CNTNAP2: variants seen among roughly 807,000 people sequenced by gnomAD.
CNTNAP2 encodes contactin-associated protein-like 2.
A neutral mutation model predicts 155.2 loss-of-function variants in CNTNAP2; 98 were observed. The observed-to-expected ratio is 0.63, with a 90% confidence interval of 0.54 to 0.75. The LOEUF is 0.75. CNTNAP2 is among the 30% of genes least tolerant of loss of function. The pLI is 0.00. For missense variants in CNTNAP2, 1,727 were observed against 1,688.1 expected (o/e 1.02, Z -0.40); for synonymous variants, 651 against 631.2 (o/e 1.03, Z -0.47).
chr7:147,238,311 G>A (rs571709070), intron 8 of CNTNAP2, among the ~76,000 whole-genome samples: 10 of 152,124 alleles, frequency 6.6e-5, no homozygotes, highest in South Asian at 4.1e-4. Context: ...CACCGTGCCC[G>A]GCCTCAAATT....
intron 8 of CNTNAP2, among the ~76,000 whole-genome samples, chr7:147,141,435 C>A (rs1584751647): frequency 6.6e-6 from 1 of 152,044 alleles, no homozygotes; most frequent in Admixed American, 6.5e-5. Context: ...GGATTGAGTT[C>A]TTTCTCTGTT....
At chr7:146,705,500 T>G (rs888906986) in intron 1 of CNTNAP2, among the ~76,000 whole-genome samples, 6 of 152,068 alleles carry the variant, frequency 3.9e-5, no homozygotes, top group African/African-American at 1.4e-4. Flanking sequence ...CCCCGCAAAA[T>G]GCTCCACCTC....
At chr7:146,520,421 T>C (rs1363959149) in intron 1 of CNTNAP2, among the ~76,000 whole-genome samples, 2 of 150,546 alleles carry the variant, frequency 1.3e-5, no homozygotes, top group East Asian at 2.0e-4. Flanking sequence ...TGGGGAAAGA[T>C]AGTAATAGTA....
In CNTNAP2 at chr7:147,492,358, C is replaced by A. The variant is rs144262578; in HGVS notation, c.1777+6317C>A. ...GGCCCAGTTACTAACGGGTTGGGGA[C>A]CCCTTACATCATAGAGTGTGGTCAA... On this transcript the variant is annotated intron_variant, in intron 11 of 23. Coordinates refer to ENST00000361727, the MANE Select transcript of CNTNAP2 (RefSeq NM_014141.6). Among the ~76,000 whole-genome samples the A allele has an allele frequency of 4.7e-3, 723 of 152,236 alleles. 3 individuals carry two copies. Among genetic ancestry groups the A allele is most frequent in the African/African-American group, 0.017 (688 of 41,526 alleles).
At position 147,929,402 on chromosome 7, in the gene CNTNAP2, G is replaced by A. The variant is rs535788909; in HGVS notation, c.2255+25681G>A. Among the ~76,000 whole-genome samples, 16 of 152,246 alleles carry A rather than the reference G, an allele frequency of 1.1e-4. No individual in the cohort carries two copies. The East Asian group carries it at 1.7e-3, about 17-fold the overall frequency. ...CACAGCTGTGTAGATACCATCTAACGCTGCCTCTTTTTCAGAAAAGAATAT... is the reference window on the plus strand; with the variant it reads ...CACAGCTGTGTAGATACCATCTAACACTGCCTCTTTTTCAGAAAAGAATAT... On this transcript the variant is annotated intron_variant, in intron 14 of 23. Transcript: ENST00000361727.
intron 13 of CNTNAP2, among the ~76,000 whole-genome samples, chr7:147,651,277 G>A (rs1426854165): frequency 3.9e-5 from 6 of 152,190 alleles, no homozygotes; most frequent in Admixed American, 3.9e-4. Flanking sequence ...TCTTCTTCAA[G>A]GAAGTCTCAG....
At chr7:146,304,445 G>A (rs1800670839) in intron 1 of CNTNAP2, among the ~76,000 whole-genome samples, 1 of 152,030 alleles carries the variant, frequency 6.6e-6, no homozygotes, top group Non-Finnish European at 1.5e-5. Flanking sequence ...TCCTTCAGGA[G>A]CTCTTGTAAG....
chr7:147,041,397 G>A (rs1799257010), intron 3 of CNTNAP2, among the ~76,000 whole-genome samples: 1 of 152,076 alleles, frequency 6.6e-6, no homozygotes, highest in South Asian at 2.1e-4. Context: ...GTCCTAGAGA[G>A]GCTACCCATA....
chr7:147,616,689 C>CT (rs1010647415), intron 12 of CNTNAP2, among the ~76,000 whole-genome samples: 4 of 152,048 alleles, frequency 2.6e-5, no homozygotes, highest in African/African-American at 7.2e-5. Flanking sequence ...ACTTACCAAG[C>CT]TTTTTTTCAC....
At chr7:146,200,890 C>T (rs1250402970) in intron 1 of CNTNAP2, among the ~76,000 whole-genome samples, 1 of 152,096 alleles carries the variant, frequency 6.6e-6, no homozygotes, top group Non-Finnish European at 1.5e-5. Flanking sequence ...GGCCTCTGAA[C>T]AGAACCAAAA....
chr7:147,194,471 G>A (rs758815103), intron 8 of CNTNAP2, among the ~76,000 whole-genome samples: 20 of 152,080 alleles, frequency 1.3e-4, no homozygotes, highest in Non-Finnish European at 2.5e-4. Flanking sequence ...TGGATCAAAT[G>A]GTATTTCTGG....
At chr7:147,610,066 T>C (rs1356129557) in intron 12 of CNTNAP2, among the ~76,000 whole-genome samples, 1 of 152,168 alleles carries the variant, frequency 6.6e-6, no homozygotes, top group Non-Finnish European at 1.5e-5. Context: ...TAGTCATTAT[T>C]TAAATTTACT....
chr7:148,042,730 CT>C (rs1563178337), intron 15 of CNTNAP2, among the ~76,000 whole-genome samples: 1 of 152,222 alleles, frequency 6.6e-6, no homozygotes, highest in Non-Finnish European at 1.5e-5. Context: ...AGGCTGTTCG[CT>C]GTTTACCTCG....
At chr7:147,486,487 T>G (rs986262360) in intron 11 of CNTNAP2, among the ~76,000 whole-genome samples, 4 of 152,186 alleles carry the variant, frequency 2.6e-5, no homozygotes, top group Non-Finnish European at 5.9e-5. Context: ...TTAGCCCAAC[T>G]ATTTGACTAC....
chr7:147,976,093 T>G (rs1171938181), intron 14 of CNTNAP2, among the ~76,000 whole-genome samples: 2 of 152,194 alleles, frequency 1.3e-5, no homozygotes, highest in Non-Finnish European at 2.9e-5. Context: ...TCACAAAATA[T>G]TTTTTCATCT....
intron 1 of CNTNAP2, among the ~76,000 whole-genome samples, chr7:146,377,709 A>G (rs1000729253): frequency 2.6e-5 from 4 of 152,226 alleles, no homozygotes; most frequent in Non-Finnish European, 5.9e-5. Flanking sequence ...AAAAGCCTGG[A>G]ATAAGAGTCT....
At chr7:147,109,933 A>G (rs1000990889) in intron 5 of CNTNAP2, among the ~76,000 whole-genome samples, 2 of 130,376 alleles carry the variant, frequency 1.5e-5, no homozygotes, top group Non-Finnish European at 3.3e-5. Flanking sequence ...TTATTTATTT[A>G]CTTATTTTTG....
intron 1 of CNTNAP2, among the ~76,000 whole-genome samples, chr7:146,489,347 C>A (rs1563104110): frequency 6.6e-6 from 1 of 152,020 alleles, no homozygotes; most frequent in African/African-American, 2.4e-5. Flanking sequence ...AAGAGCATTG[C>A]AAAAAGCTAA....
chr7:146,126,440 G>A (rs1797639081), intron 1 of CNTNAP2, among the ~76,000 whole-genome samples: 1 of 152,154 alleles, frequency 6.6e-6, no homozygotes, highest in Non-Finnish European at 1.5e-5. Context: ...TAATATATAT[G>A]TCATTTTTGT....
Sources: gnomAD v4.1 joint callset for allele counts (sites outside exome capture counted in the v4.1 genomes callset) on GRCh38, gnomAD v4.1.1 for gene constraint, MANE v1.5 for transcripts, NCBI Gene and HGNC (gene_info 2026-07-23, HGNC 2026-07-21) for gene names.